The following CAPZA1 variants were observed in gnomAD, a reference collection of about 807,000 sequenced individuals.
CAPZA1 encodes capping actin protein of muscle Z-line subunit alpha 1.
CAPZA1 carries 10 observed loss-of-function variants against 40.8 expected under a neutral mutation model. That is an observed-to-expected ratio of 0.25 (90% CI 0.15 to 0.42). The LOEUF is 0.42. Among genes scored for constraint, CAPZA1 ranks in the 10% least tolerant of loss-of-function variants. The pLI, the probability that CAPZA1 is intolerant of heterozygous loss-of-function variation, is 1.00. For synonymous variants in CAPZA1, 98 were observed against 115.0 expected, an observed-to-expected ratio of 0.85 and a Z score of 0.95; for missense variants, 277 against 353.8, an observed-to-expected ratio of 0.78 and a Z score of 1.74.
chr1:112,646,124 C>T (rs572194931), intron 1 of CAPZA1, among the ~76,000 whole-genome samples: 1 of 152,118 alleles, frequency 6.6e-6, no homozygotes, highest in Non-Finnish European at 1.5e-5. Flanking sequence ...TTTTATCATC[C>T]ATTTATAATA....
chr1:112,650,738 T>C (rs12095563), intron 3 of CAPZA1, among the ~76,000 whole-genome samples: 4,802 of 152,326 alleles, frequency 0.032, 276 homozygotes, highest in African/African-American at 0.11. Context: ...GGGGTGGATG[T>C]TGAGTATCAC....
intron 5 of CAPZA1, among the ~76,000 whole-genome samples, chr1:112,657,108 G>A (rs568158222): frequency 6.6e-6 from 1 of 151,958 alleles, no homozygotes; most frequent in Admixed American, 6.6e-5. Flanking sequence ...CACTGTGTTG[G>A]CCAGGCTGGT....
At chr1:112,634,040 C>T (rs1351728100) in intron 1 of CAPZA1, among the ~76,000 whole-genome samples, 2 of 152,086 alleles carry the variant, frequency 1.3e-5, no homozygotes, top group Admixed American at 6.6e-5. Context: ...TTAGTTGTCT[C>T]CTCTTACTGT....
chr1:112,621,108 G>A (rs1670638867), intron 1 of CAPZA1, among the ~76,000 whole-genome samples: 1 of 152,172 alleles, frequency 6.6e-6, no homozygotes, highest in African/African-American at 2.4e-5. Flanking sequence ...ACAAGCCATT[G>A]ACAACAGCGT....
Position 112,654,614 on chromosome 1 carries a change from C to T in CAPZA1, c.369C>T (p.Ser123=), listed in dbSNP as rs772983629. The T allele has an allele frequency of 2.5e-6, 4 of 1,613,986 alleles. No homozygotes were observed. Among genetic ancestry groups the T allele is most frequent in the Admixed American group, 3.3e-5 (2 of 60,010 alleles). The change falls in exon 5 of 10, where the codon TCC becomes TCT. Residue 123 remains serine (S), a synonymous_variant. Coordinates refer to ENST00000263168, the MANE Select transcript of CAPZA1 (RefSeq NM_006135.3). ...ADGGLKSWRE[S]CDSALRAYVK... ...GAGGTCTGAAGTCTTGGAGAGAATC[C>T]TGTGACAGTGCTTTAAGAGCCTATG...
At chr1:112,631,831 A>G (rs1021863838) in intron 1 of CAPZA1, among the ~76,000 whole-genome samples, 3 of 152,214 alleles carry the variant, frequency 2.0e-5, no homozygotes, top group Non-Finnish European at 2.9e-5. Flanking sequence ...AAGCACATTT[A>G]AGCTCCTAAA....
At chr1:112,620,012 C>T in intron 1 of CAPZA1, 129 bp downstream of exon 1, 2 of 713,012 alleles carry the variant, frequency 2.8e-6, no homozygotes, top group South Asian at 1.8e-5. Flanking sequence ...CATACGCTCT[C>T]CGCAGTCGGG....
chr1:112,640,373 C>A, intron 1 of CAPZA1, among the ~76,000 whole-genome samples: 1 of 113,868 alleles, frequency 8.8e-6, no homozygotes, highest in African/African-American at 3.5e-5. Flanking sequence ...TGGGGGTGAG[C>A]CCCCCACCCG....
In CAPZA1 at chr1:112,619,858, A is replaced by G. The variant is rs752843240; in HGVS notation, c.14A>G (p.Asp5Gly). 15 of 1,613,158 alleles carry G rather than the reference A, an allele frequency of 9.3e-6. No individual in the cohort carries two copies. The highest frequency in any genetic ancestry group is 1.2e-5 in the Non-Finnish European group (14 of 1,179,626). The stretch of plus-strand genomic sequence containing the variant: ...GAACAGCCCAAGATGGCCGACTTCG[A>G]TGATCGTGTGTCGGATGAGGAGAAG... MADF[D>G]DRVSDEEKVR... is the part of the protein sequence containing the mutation. The change falls in exon 1 of 10, where the codon GAT becomes GGT. Residue 5 changes from aspartate to glycine, a missense_variant. Around this residue, in one of 2 missense-constraint regions of CAPZA1, gnomAD observed 85 missense variants for 76.5 expected, o/e 1.11. Coordinates refer to ENST00000263168, the MANE Select transcript of CAPZA1 (RefSeq NM_006135.3).
At chr1:112,663,155 C>T (rs1265291241) in intron 7 of CAPZA1, among the ~76,000 whole-genome samples, 1 of 151,674 alleles carries the variant, frequency 6.6e-6, no homozygotes, top group Non-Finnish European at 1.5e-5. Context: ...TAGCAGACAC[C>T]GGGTTTCACT....
intron 7 of CAPZA1, among the ~76,000 whole-genome samples, chr1:112,666,084 C>A (rs921305671): frequency 6.6e-6 from 1 of 152,118 alleles, no homozygotes; most frequent in African/African-American, 2.4e-5. Flanking sequence ...GTGATCCTCC[C>A]GTCTTAGCCT....
chr1:112,635,447 C>T (rs1238184807), intron 1 of CAPZA1, among the ~76,000 whole-genome samples: 2 of 152,070 alleles, frequency 1.3e-5, no homozygotes, highest in African/African-American at 2.4e-5. Context: ...TATTATCTAG[C>T]GAAAGAATTC....
At chr1:112,647,544 G>T (rs1671305080) in intron 2 of CAPZA1, among the ~76,000 whole-genome samples, 1 of 152,214 alleles carries the variant, frequency 6.6e-6, no homozygotes, top group Admixed American at 6.5e-5. Context: ...ATCAATAAAT[G>T]TAGAAACAAT....
intron 1 of CAPZA1, among the ~76,000 whole-genome samples, chr1:112,627,945 A>G (rs1011103161): frequency 1.3e-5 from 2 of 151,960 alleles, no homozygotes; most frequent in African/African-American, 4.8e-5. Flanking sequence ...GGGCAACAAG[A>G]GTGAAACTCT....
In CAPZA1 at chr1:112,666,188, C is replaced by CT. The variant is rs1051047668; in HGVS notation, c.586-880dup. Among the ~76,000 whole-genome samples the CT allele has an allele frequency of 2.0e-5, 3 of 152,270 alleles. No individual in the cohort carries two copies. In the East Asian group the frequency reaches 5.8e-4, roughly 29 times the overall value. ...CATAGCAATGTCTCCTGCCACACTC[C>CT]TTTTTTACACATATTCATATGCAGT... On this transcript the variant is annotated intron_variant, in intron 7 of 9. Coordinates refer to ENST00000263168, the MANE Select transcript of CAPZA1 (RefSeq NM_006135.3).
At position 112,671,260 on chromosome 1, in the gene CAPZA1, A is replaced by T. The variant is rs1160979035; in HGVS notation, c.*1128A>T. ...TTGGCAGGTATGTGTGTAATCTCAGAATACACAGGTGACATAGATATGATA... is the reference window on the plus strand; with the variant it reads ...TTGGCAGGTATGTGTGTAATCTCAGTATACACAGGTGACATAGATATGATA... On this transcript the variant is annotated 3_prime_UTR_variant, in exon 10 of 10. Coordinates refer to ENST00000263168, the MANE Select transcript of CAPZA1 (RefSeq NM_006135.3). The T allele has an allele frequency of 2.0e-5, 3 of 152,642 alleles. No homozygotes were observed. Among genetic ancestry groups the T allele is most frequent in the African/African-American group, 7.2e-5 (3 of 41,442 alleles). 9.5% of individuals were successfully genotyped at this position (152,642 alleles called of 1,614,324 possible). A position where few individuals can be genotyped will look rare whatever the true frequency, so the allele number is the denominator to read the frequency against.
At chr1:112,643,906 G>A (rs1278163258) in intron 1 of CAPZA1, among the ~76,000 whole-genome samples, 33 of 150,266 alleles carry the variant, frequency 2.2e-4, no homozygotes, top group Admixed American at 2.2e-3. Context: ...TTGCAGTGGC[G>A]GGATCTCGGC....
At position 112,640,461 on chromosome 1, in the gene CAPZA1, A is replaced by G. The variant is rs1422409680; in HGVS notation, c.40-6749A>G. ...TGGGAAGTGAGGAGCCCCTCTGCCC[A>G]GCCAGCCGCCCAGTCCGGGAGGGAG... On this transcript the variant is annotated intron_variant, in intron 1 of 9. Coordinates refer to ENST00000263168, the MANE Select transcript of CAPZA1 (RefSeq NM_006135.3). Among the ~76,000 whole-genome samples, 320 of 76,094 alleles carry G rather than the reference A, an allele frequency of 4.2e-3. 1 individual carries two copies. Among genetic ancestry groups the G allele is most frequent in the African/African-American group, 0.011 (199 of 18,488 alleles). The allele number at this position is 76,094 out of a possible 152,430, so 49.9% of individuals were successfully genotyped here.
At chr1:112,665,849 A>G (rs1017077883) in intron 7 of CAPZA1, among the ~76,000 whole-genome samples, 1 of 152,230 alleles carries the variant, frequency 6.6e-6, no homozygotes, top group Non-Finnish European at 1.5e-5. Flanking sequence ...ACCAACATTA[A>G]AATCATAGCA....
Sources: allele counts gnomAD v4.1 joint callset (sites outside exome capture counted in the v4.1 genomes callset), GRCh38; gene constraint gnomAD v4.1.1; regional missense constraint gnomAD v4.1.1; transcripts MANE v1.5; gene names NCBI Gene and HGNC (gene_info 2026-07-23, HGNC 2026-07-21).